The following NEGR1 variants were observed in gnomAD, a reference collection of about 807,000 sequenced individuals.
NEGR1 encodes the protein IgLON family member 4.
In NEGR1, 10 loss-of-function variants were observed where a neutral mutation model predicts 40.9. The ratio of observed to expected loss-of-function variants is 0.24; its 90% CI spans 0.15 to 0.42. The LOEUF (loss-of-function observed/expected upper bound fraction) is 0.42, where lower values mean the gene tolerates loss of function less well. Ranked by LOEUF, NEGR1 falls within the 10% of genes least tolerant of loss-of-function variation. The pLI, the probability that NEGR1 is intolerant of heterozygous loss-of-function variation, is 1.00. For missense variants in NEGR1, 352 were observed against 438.9 expected (o/e 0.80, Z 1.77); for synonymous variants, 185 against 166.8 (o/e 1.11, Z -0.84).
intron 2 of NEGR1, among the ~76,000 whole-genome samples, chr1:71,928,487 T>G (rs1645821247): frequency 7.2e-6 from 1 of 139,752 alleles, no homozygotes; most frequent in Admixed American, 8.0e-5. Context: ...CATATATATG[T>G]ATATATACAC....
At chr1:71,658,932 T>C (rs992930941) in intron 4 of NEGR1, among the ~76,000 whole-genome samples, 2 of 152,176 alleles carry the variant, frequency 1.3e-5, no homozygotes, top group Non-Finnish European at 2.9e-5. Flanking sequence ...AAGGAAATAC[T>C]TAAAGGTCTT....
intron 3 of NEGR1, among the ~76,000 whole-genome samples, chr1:71,749,094 A>G (rs1008578299): frequency 3.3e-5 from 5 of 152,192 alleles, no homozygotes; most frequent in African/African-American, 1.2e-4. Context: ...ACACACTTAC[A>G]TCAACAAAAC....
chr1:71,887,445 G>T (rs1298448356), intron 2 of NEGR1, among the ~76,000 whole-genome samples: 1 of 151,814 alleles, frequency 6.6e-6, no homozygotes, highest in Non-Finnish European at 1.5e-5. Flanking sequence ...ATGAAGTCAG[G>T]GACAAATATC....
chr1:71,705,093 TGAG>T (rs1374200807), intron 3 of NEGR1, among the ~76,000 whole-genome samples: 1 of 152,100 alleles, frequency 6.6e-6, no homozygotes, highest in Non-Finnish European at 1.5e-5. Flanking sequence ...AAATTGAGAT[TGAG>T]GAGAATTATC....
intron 6 of NEGR1, among the ~76,000 whole-genome samples, chr1:71,512,161 T>C (rs1349361864): frequency 6.6e-6 from 1 of 152,184 alleles, no homozygotes; most frequent in Non-Finnish European, 1.5e-5. Context: ...TTCTGTAGAA[T>C]CAAGTGTTAT....
intron 2 of NEGR1, among the ~76,000 whole-genome samples, chr1:71,849,676 T>C (rs184474657): frequency 1.8e-4 from 27 of 152,294 alleles, no homozygotes; most frequent in African/African-American, 5.5e-4. Context: ...GGTCAATCTA[T>C]GTGGCAAACT....
intron 3 of NEGR1, among the ~76,000 whole-genome samples, chr1:71,766,214 T>G (rs1263531689): frequency 1.3e-5 from 2 of 149,058 alleles, no homozygotes; most frequent in African/African-American, 4.9e-5. Context: ...TCTTTCTAAA[T>G]GTGAGCAGGA....
chr1:71,774,848 A>C (rs1186785861), intron 3 of NEGR1, among the ~76,000 whole-genome samples: 2 of 152,182 alleles, frequency 1.3e-5, no homozygotes, highest in Non-Finnish European at 2.9e-5. Flanking sequence ...GTGACTTTGA[A>C]AACAGACCTG....
intron 1 of NEGR1, among the ~76,000 whole-genome samples, chr1:72,196,688 G>A (rs1004488919): frequency 3.8e-5 from 5 of 130,860 alleles, no homozygotes; most frequent in African/African-American, 1.4e-4. Context: ...CACTTGAACC[G>A]GGGTGGCTGA....
chr1:71,714,276 T>C (rs1654202099), intron 3 of NEGR1, among the ~76,000 whole-genome samples: 1 of 152,176 alleles, frequency 6.6e-6, no homozygotes, highest in Admixed American at 6.5e-5. Flanking sequence ...TACCTCCTCC[T>C]GGTACTGCCC....
chr1:72,222,075 C>A (rs761586172), intron 1 of NEGR1, among the ~76,000 whole-genome samples: 1 of 152,078 alleles, frequency 6.6e-6, no homozygotes, highest in Non-Finnish European at 1.5e-5. Context: ...AACCTACAGG[C>A]TGGCCCCTGT....
intron 1 of NEGR1, among the ~76,000 whole-genome samples, chr1:71,968,175 T>C (rs1372262896): frequency 1.3e-5 from 2 of 152,180 alleles, no homozygotes; most frequent in East Asian, 1.9e-4. Context: ...TCTGTACGAT[T>C]ATAAAAAAAT....
chr1:72,253,040 T>A (rs1655158066), intron 1 of NEGR1, among the ~76,000 whole-genome samples: 1 of 152,236 alleles, frequency 6.6e-6, no homozygotes, highest in African/African-American at 2.4e-5. Flanking sequence ...GTATAGACAC[T>A]GAGAAGACTT....
intron 1 of NEGR1, among the ~76,000 whole-genome samples, chr1:72,032,985 A>G (rs1001438419): frequency 6.6e-6 from 1 of 152,142 alleles, no homozygotes; most frequent in Non-Finnish European, 1.5e-5. Context: ...GTTAGCTATT[A>G]TTACTATTTA....
At chr1:72,087,387 C>T (rs1164881242) in intron 1 of NEGR1, among the ~76,000 whole-genome samples, 10 of 151,628 alleles carry the variant, frequency 6.6e-5, no homozygotes, top group South Asian at 2.1e-4. Context: ...GCCAAGATTG[C>T]GCCACTGCAC....
chr1:71,703,564 AAAAT>A (rs1229864318), intron 3 of NEGR1, among the ~76,000 whole-genome samples: 1 of 151,854 alleles, frequency 6.6e-6, no homozygotes, highest in Non-Finnish European at 1.5e-5. Flanking sequence ...GTCTTTACAA[AAAAT>A]AAATATAATG....
intron 1 of NEGR1, among the ~76,000 whole-genome samples, chr1:72,180,103 G>A (rs981834124): frequency 1.3e-5 from 2 of 151,878 alleles, no homozygotes; most frequent in African/African-American, 4.8e-5. Flanking sequence ...AAAAGTTGGA[G>A]GCATCACACT....
At chr1:71,575,794 A>AAAAAAC (rs1553151229) in intron 6 of NEGR1, among the ~76,000 whole-genome samples, 3 of 151,178 alleles carry the variant, frequency 2.0e-5, no homozygotes, top group Admixed American at 6.6e-5. Flanking sequence ...AAACAAAAAC[A>AAAAAAC]AAAACAAAAC....
At chr1:72,136,562 C>A in intron 1 of NEGR1, among the ~76,000 whole-genome samples, 1 of 147,264 alleles carries the variant, frequency 6.8e-6, no homozygotes. Flanking sequence ...AATGGCCAGA[C>A]TTTATAAAGC....
Sources: gnomAD v4.1 joint callset for allele counts (sites outside exome capture counted in the v4.1 genomes callset) on GRCh38, gnomAD v4.1.1 for gene constraint, MANE v1.5 for transcripts, NCBI Gene and HGNC (gene_info 2026-07-23, HGNC 2026-07-21) for gene names.